The following SH3BP5L variants were observed in gnomAD, a reference collection of about 807,000 sequenced individuals.
The protein encoded by SH3BP5L is SH3 domain-binding protein 5-like.
Under a neutral mutation model 40.9 loss-of-function variants are expected in SH3BP5L, and 16 were observed. That is an observed-to-expected ratio of 0.39 (90% CI 0.27 to 0.59). The LOEUF (loss-of-function observed/expected upper bound fraction) is 0.59. SH3BP5L is among the 20% of genes least tolerant of loss of function. The probability of loss-of-function intolerance (pLI) is 0.53; values close to 1 mark genes in which losing one functional copy is unlikely to be tolerated. For synonymous variants in SH3BP5L, 229 were observed against 226.7 expected, an observed-to-expected ratio of 1.01 and a Z score of -0.09; for missense variants, 471 against 544.6, an observed-to-expected ratio of 0.86 and a Z score of 1.35.
rs1006263140 is a variant in SH3BP5L at position 248,814,786 on chromosome 1, C to G, written c.376-176G>C. Reference sequence around the variant, plus strand: ...AAGCAACATTCTATAAAGAATATTTCATAAGGATATGGACTAGAAGAAATA... The same window carrying G: ...AAGCAACATTCTATAAAGAATATTTGATAAGGATATGGACTAGAAGAAATA... On this transcript the variant is annotated intron_variant, in intron 4 of 6. Coordinates refer to ENST00000366472, the MANE Select transcript of SH3BP5L (RefSeq NM_030645.3). 34 of 742,876 alleles carry G rather than the reference C, an allele frequency of 4.6e-5. No individual in the cohort carries two copies. The Admixed American group carries it at 6.6e-4, about 14-fold the overall frequency. The allele number at this position is 742,876 out of a possible 1,614,324, so 46.0% of individuals were successfully genotyped here.
At position 248,821,521 on chromosome 1, in the gene SH3BP5L, T is replaced by A. The variant is rs1344476736; in HGVS notation, c.183+3232A>T. 6.6e-6 allele frequency among the ~76,000 whole-genome samples: 1 copy of A among 151,964 alleles called. No homozygotes were observed. Among genetic ancestry groups the A allele is most frequent in the Non-Finnish European group, 1.5e-5 (1 of 67,986 alleles). On this transcript the variant is annotated intron_variant, in intron 2 of 6. Coordinates refer to ENST00000366472, the MANE Select transcript of SH3BP5L (RefSeq NM_030645.3). This position sits in a 1 kb window ranked among gnomAD's most constrained non-coding sequence, Gnocchi z 4.6. ...TGAAAGCTAAACCCATACTTCTAGATGAGGTCACAGAGGTTGCAAAGTCAC... is the reference window on the plus strand; with the variant it reads ...TGAAAGCTAAACCCATACTTCTAGAAGAGGTCACAGAGGTTGCAAAGTCAC...
At chr1:248,824,693 C>A in intron 2 of SH3BP5L, 60 bp downstream of exon 2, 1 of 1,583,804 alleles carries the variant, frequency 6.3e-7, no homozygotes, top group Admixed American at 1.8e-5. Flanking sequence ...ATTCATCCAA[C>A]ACTCTTCAGG....
In SH3BP5L at chr1:248,825,124, T is replaced by C; in HGVS notation, c.-189A>G. 7.2e-7 allele frequency: 1 copy of C among 1,388,392 alleles called. No homozygotes were observed. 86.0% of individuals were successfully genotyped at this position (1,388,392 alleles called of 1,614,324 possible). A position where few individuals can be genotyped will look rare whatever the true frequency, so the allele number is the denominator to read the frequency against. On this transcript the variant is annotated 5_prime_UTR_variant, in exon 2 of 7. Coordinates refer to ENST00000366472, the MANE Select transcript of SH3BP5L (RefSeq NM_030645.3). ...GTTGAGATTCAAGTTGTCAGTGGGG[T>C]TCCTAGAGCTGAAGCCTTGTCTGTG...
At chr1:248,814,932 T>C (rs1427332820) in intron 4 of SH3BP5L, 4 of 414,998 alleles carry the variant, frequency 9.6e-6, no homozygotes, top group Admixed American at 6.7e-5. Context: ...GTTAGCAACA[T>C]AGACAGAGTC....
rs949626631 is a variant in SH3BP5L, at chr1:248,812,881, G to A, written c.711+108C>T. The A allele has an allele frequency of 1.7e-5, 17 of 1,010,128 alleles. No homozygotes were observed. The highest frequency in any genetic ancestry group is 5.1e-5 in the Admixed American group (2 of 38,844). 62.6% of individuals were successfully genotyped at this position (1,010,128 alleles called of 1,614,324 possible). A position where few individuals can be genotyped will look rare whatever the true frequency, so the allele number is the denominator to read the frequency against. On this transcript the variant is annotated intron_variant, in intron 6 of 6. Coordinates refer to ENST00000366472, the MANE Select transcript of SH3BP5L (RefSeq NM_030645.3). The surrounding 1 kb of genome is among the most constrained non-coding windows in gnomAD (Gnocchi z 6.1). ...CACCCTTCCCCACCGCTAGCCGGAGGCCTCACCCTGGCCACCTCACCAAGA... is the reference window on the plus strand; with the variant it reads ...CACCCTTCCCCACCGCTAGCCGGAGACCTCACCCTGGCCACCTCACCAAGA...
chr1:248,823,968 T>C (rs1165747064), intron 2 of SH3BP5L, among the ~76,000 whole-genome samples: 2 of 152,222 alleles, frequency 1.3e-5, no homozygotes, highest in Non-Finnish European at 2.9e-5. Flanking sequence ...CCAGCTTTGA[T>C]TGGCCAGGCA....
intron 4 of SH3BP5L, chr1:248,816,120 A>C: frequency 1.2e-5 from 2 of 167,294 alleles, no homozygotes; most frequent in South Asian, 2.8e-4. Flanking sequence ...TTACAGAAAA[A>C]AGGGGTGTGG....
intron 4 of SH3BP5L, chr1:248,814,932 TAGAC>T (rs540317409): frequency 4.1e-4 from 171 of 414,998 alleles, no homozygotes; most frequent in African/African-American, 3.2e-3. Flanking sequence ...GTTAGCAACA[TAGAC>T]AGAGTCTTAC....
intron 4 of SH3BP5L, 111 bp downstream of exon 4, chr1:248,816,423 G>C: frequency 1.4e-6 from 2 of 1,440,552 alleles, no homozygotes; most frequent in Non-Finnish European, 1.9e-6. Flanking sequence ...GTCTAGCCCA[G>C]GGCTCTGCCC....
chr1:248,813,285 CAACT>C, intron 5 of SH3BP5L, 123 bp from the exon 6 acceptor site: 1 of 1,054,762 alleles, frequency 9.5e-7, no homozygotes, highest in Non-Finnish European at 1.3e-6. Flanking sequence ...TGCAAACCCC[CAACT>C]GTGTACAGAG....
In SH3BP5L at chr1:248,817,113, A is replaced by C. The variant is rs1163932343; in HGVS notation, c.184-229T>G. 2.9e-6 allele frequency: 4 copies of C among 1,402,576 alleles called. No homozygotes were observed. The Admixed American group carries it at 8.1e-5, about 28-fold the overall frequency. 86.9% of individuals were successfully genotyped at this position (1,402,576 alleles called of 1,614,324 possible). On this transcript the variant is annotated intron_variant, in intron 2 of 6. Coordinates refer to ENST00000366472, the MANE Select transcript of SH3BP5L (RefSeq NM_030645.3). ...CTCACAACTCTACCTTGTATTGGGT[A>C]GTAAAACCCCAGTTTCAAGGATGAA...
chr1:248,816,787 G>A (rs535662868), intron 3 of SH3BP5L, 35 bp downstream of exon 3: 1 of 1,613,390 alleles, frequency 6.2e-7, no homozygotes, highest in African/African-American at 1.3e-5. Flanking sequence ...TACTTCCAAG[G>A]ACCAGCCCAA....
At chr1:248,814,662 C>T in intron 4 of SH3BP5L, 52 bp from the exon 5 acceptor site, 1 of 1,585,732 alleles carries the variant, frequency 6.3e-7, no homozygotes, top group Non-Finnish European at 8.7e-7. Flanking sequence ...CCCAGCTGCC[C>T]ATGGAGACCC....
chr1:248,817,042 G>C, intron 2 of SH3BP5L, 158 bp from the exon 3 acceptor site: 1 of 1,540,606 alleles, frequency 6.5e-7, no homozygotes, highest in Non-Finnish European at 8.7e-7. Flanking sequence ...ATTGCCAAAA[G>C]CTTTCTTGTC....
At chr1:248,818,803 G>C (rs1185429804) in intron 2 of SH3BP5L, among the ~76,000 whole-genome samples, 1 of 152,260 alleles carries the variant, frequency 6.6e-6, no homozygotes, top group African/African-American at 2.4e-5. Flanking sequence ...GCTGGTCTGT[G>C]CCAAGGGCCT....
chr1:248,810,503 T>A lies in SH3BP5L; in HGVS notation c.*1397A>T, dbSNP rs1164639158. 1 of 152,378 alleles carries A rather than the reference T, an allele frequency of 6.6e-6. No individual in the cohort carries two copies. The highest frequency in any genetic ancestry group is 1.5e-5 in the Non-Finnish European group (1 of 68,106). 9.4% of individuals were successfully genotyped at this position (152,378 alleles called of 1,614,324 possible). On this transcript the variant is annotated 3_prime_UTR_variant, in exon 7 of 7. Transcript: ENST00000366472. ...AAACCAGGAAAGACCCTTTCCCCCTTACACACCAGCACATGCACACACGCA... is the reference window on the plus strand; with the variant it reads ...AAACCAGGAAAGACCCTTTCCCCCTAACACACCAGCACATGCACACACGCA...
intron 3 of SH3BP5L, 46 bp from the exon 4 acceptor site, chr1:248,816,708 C>A: frequency 1.2e-6 from 2 of 1,613,438 alleles, no homozygotes; most frequent in East Asian, 2.2e-5. Flanking sequence ...TGGGTCCCAG[C>A]CCCTCTTGTT....
At chr1:248,818,693 A>C (rs1337069755) in intron 2 of SH3BP5L, among the ~76,000 whole-genome samples, 1 of 152,200 alleles carries the variant, frequency 6.6e-6, no homozygotes, top group East Asian at 1.9e-4. Flanking sequence ...AATGGAAGAG[A>C]GCTGAGAGGG....
rs142152361 is a variant in SH3BP5L, at chr1:248,817,178, C to T, written c.184-294G>A. On this transcript the variant is annotated intron_variant, in intron 2 of 6. Coordinates refer to ENST00000366472, the MANE Select transcript of SH3BP5L (RefSeq NM_030645.3). ...GAGAATGCAACACTAATATGCACAA[C>T]GTGAAGTTGTGGTGAGCCCTCACTC... 1.5e-4 allele frequency: 104 copies of T among 677,796 alleles called. 1 individual carries two copies. The highest frequency in any genetic ancestry group is 1.5e-3 in the African/African-American group (82 of 55,394). 42.0% of individuals were successfully genotyped at this position (677,796 alleles called of 1,614,324 possible). A position where few individuals can be genotyped will look rare whatever the true frequency, so the allele number is the denominator to read the frequency against.
Sources: allele counts gnomAD v4.1 joint callset (sites outside exome capture counted in the v4.1 genomes callset), GRCh38; gene constraint gnomAD v4.1.1; non-coding constraint Gnocchi (gnomAD v3.1); transcripts MANE v1.5; gene names NCBI Gene and HGNC (gene_info 2026-07-23, HGNC 2026-07-21).